Variants in CCDC192 observed in about 807,000 individuals in gnomAD.
CCDC192 encodes coiled-coil domain-containing protein 192.
intron 2 of CCDC192, among the ~76,000 whole-genome samples, chr5:127,709,783 T>A (rs1271158504): frequency 6.6e-6 from 1 of 152,232 alleles, no homozygotes; most frequent in Non-Finnish European, 1.5e-5. Flanking sequence ...ATGGAGCTGT[T>A]TATGATACTG....
chr5:127,713,242 A>T (rs1053229187), intron 2 of CCDC192, among the ~76,000 whole-genome samples: 1 of 152,122 alleles, frequency 6.6e-6, no homozygotes, highest in African/African-American at 2.4e-5. Flanking sequence ...CTCAAAAAAA[A>T]AAAAAATTTA....
intron 5 of CCDC192, among the ~76,000 whole-genome samples, chr5:127,864,160 C>T (rs1751494062): frequency 6.6e-6 from 1 of 152,164 alleles, no homozygotes; most frequent in African/African-American, 2.4e-5. Flanking sequence ...AAATATGACT[C>T]ACTTGAGTTT....
chr5:127,829,886 T>C (rs1408620676), intron 5 of CCDC192, among the ~76,000 whole-genome samples: 1 of 152,116 alleles, frequency 6.6e-6, no homozygotes, highest in East Asian at 1.9e-4. Flanking sequence ...GAGAATAACA[T>C]ACCGGTGGCT....
At chr5:127,787,644 C>A (rs1450160181) in intron 3 of CCDC192, among the ~76,000 whole-genome samples, 1 of 151,934 alleles carries the variant, frequency 6.6e-6, no homozygotes, top group East Asian at 1.9e-4. Context: ...TTTTATGAAC[C>A]AAATTATAGC....
In CCDC192 at chr5:127,738,183, C is replaced by T. The variant is rs900592404; in HGVS notation, c.115-16085C>T. On this transcript the variant is annotated intron_variant, in intron 2 of 6. Coordinates refer to ENST00000514853, the MANE Select transcript of CCDC192 (RefSeq NM_001317938.2). The stretch of plus-strand genomic sequence containing the variant: ...TGTAAAGTATTTTATTTCTCCTTCA[C>T]TTATGAAGCTTAGATTGGCTGGATA... Among the ~76,000 whole-genome samples, 22 of 151,352 alleles carry T rather than the reference C, an allele frequency of 1.5e-4. No homozygotes were observed. In the South Asian group the frequency reaches 2.5e-3, roughly 17 times the overall value.
At chr5:127,932,280 C>T (rs539155674) in intron 6 of CCDC192, among the ~76,000 whole-genome samples, 2 of 152,232 alleles carry the variant, frequency 1.3e-5, no homozygotes, top group African/African-American at 4.8e-5. Flanking sequence ...TCTTGGCTCA[C>T]TGCAACCTCT....
intron 2 of CCDC192, among the ~76,000 whole-genome samples, chr5:127,740,889 T>A (rs911077243): frequency 6.6e-6 from 1 of 152,244 alleles, no homozygotes; most frequent in Middle Eastern, 3.4e-3. Flanking sequence ...TTGGTCAACA[T>A]GCCAAAGTAC....
chr5:127,769,890 A>C (rs1580627944), intron 3 of CCDC192, among the ~76,000 whole-genome samples: 1 of 152,086 alleles, frequency 6.6e-6, no homozygotes, highest in Non-Finnish European at 1.5e-5. Context: ...CCCTCTTCCC[A>C]GTTACTGGAA....
At chr5:127,733,117 GC>G (rs2126820334) in intron 2 of CCDC192, among the ~76,000 whole-genome samples, 1 of 152,216 alleles carries the variant, frequency 6.6e-6, no homozygotes, top group African/African-American at 2.4e-5. Context: ...CTCCCCACTT[GC>G]ATTTTTGAAT....
chr5:127,804,977 C>A (rs1757703598), intron 5 of CCDC192, among the ~76,000 whole-genome samples: 1 of 152,162 alleles, frequency 6.6e-6, no homozygotes, highest in Non-Finnish European at 1.5e-5. Flanking sequence ...CCTCTCCAGC[C>A]TGATTCCTAG....
At chr5:127,767,000 T>C (rs918619170) in intron 3 of CCDC192, among the ~76,000 whole-genome samples, 2 of 152,136 alleles carry the variant, frequency 1.3e-5, no homozygotes, top group African/African-American at 4.8e-5. Context: ...TCCAAAAGCC[T>C]AAACCCATCA....
intron 2 of CCDC192, among the ~76,000 whole-genome samples, chr5:127,719,456 CATATATATACAGACACATACATATAT>C (rs1751836720): frequency 7.5e-6 from 1 of 133,586 alleles, no homozygotes; most frequent in African/African-American, 3.0e-5. Flanking sequence ...TATATACATA[CATATATATACAGACACATACATATAT>C]ATATATATAT....
chr5:127,912,419 C>CTAAAAAAAAAA (rs755334662), intron 6 of CCDC192, among the ~76,000 whole-genome samples: 1 of 81,452 alleles, frequency 1.2e-5, no homozygotes, highest in Non-Finnish European at 2.2e-5. Context: ...CTGGGTTTAG[C>CTAAAAAAAAAA]AAAAAAAAAA....
At chr5:127,903,623 A>G (rs1561545876) in intron 6 of CCDC192, among the ~76,000 whole-genome samples, 1 of 152,192 alleles carries the variant, frequency 6.6e-6, no homozygotes, top group South Asian at 2.1e-4. Flanking sequence ...TGCAGGCATG[A>G]GTGGAGCCTC....
chr5:127,940,369 G>C (rs367852363), intron 6 of CCDC192: 23 of 152,254 alleles, frequency 1.5e-4, no homozygotes, highest in African/African-American at 5.5e-4. Context: ...CGACTCTAAA[G>C]CTGACTTGGG....
chr5:127,842,665 T>C (rs929410951), intron 5 of CCDC192, among the ~76,000 whole-genome samples: 5 of 152,228 alleles, frequency 3.3e-5, no homozygotes, highest in Admixed American at 1.3e-4. Context: ...TATTGGCAAC[T>C]AATTGAAACT....
chr5:127,764,406 C>T (rs1016592678), intron 3 of CCDC192, among the ~76,000 whole-genome samples: 3 of 152,174 alleles, frequency 2.0e-5, no homozygotes, highest in African/African-American at 2.4e-5. Context: ...AAGTAGGATT[C>T]AAGACAGATC....
chr5:127,769,894 A>G (rs991446308), intron 3 of CCDC192, among the ~76,000 whole-genome samples: 6 of 152,146 alleles, frequency 3.9e-5, no homozygotes, highest in Non-Finnish European at 8.8e-5. Flanking sequence ...CTTCCCAGTT[A>G]CTGGAAATTT....
chr5:127,830,508 G>C (rs967350056), intron 5 of CCDC192, among the ~76,000 whole-genome samples: 7 of 152,060 alleles, frequency 4.6e-5, no homozygotes, highest in Non-Finnish European at 1.0e-4. Flanking sequence ...TGTGTACATG[G>C]GCATGTCTAG....
Sources: gnomAD v4.1 joint callset for allele counts (sites outside exome capture counted in the v4.1 genomes callset) on GRCh38, gnomAD v4.1.1 for gene constraint, MANE v1.5 for transcripts, NCBI Gene and HGNC (gene_info 2026-07-23, HGNC 2026-07-21) for gene names.